CTNND2: variants seen among roughly 807,000 people sequenced by gnomAD.
CTNND2 encodes the protein catenin delta-2.
Under a neutral mutation model 144.4 loss-of-function variants are expected in CTNND2, and 22 were observed. The ratio of observed to expected loss-of-function variants is 0.15; its 90% CI spans 0.11 to 0.22. The LOEUF is 0.22. Among genes scored for constraint, CTNND2 ranks in the 10% least tolerant of loss-of-function variants. The pLI is 1.00. For synonymous variants in CTNND2, 751 were observed against 695.6 expected (o/e 1.08, Z -1.25); for missense variants, 1,353 against 1,618.8 (o/e 0.84, Z 2.82).
chr5:11,635,027 A>G (rs551625969), intron 2 of CTNND2, among the ~76,000 whole-genome samples: 1 of 151,992 alleles, frequency 6.6e-6, no homozygotes, highest in Non-Finnish European at 1.5e-5. Flanking sequence ...ATTATACAGC[A>G]CTCTTTTAGG....
At chr5:11,190,167 G>C (rs1482916154) in intron 11 of CTNND2, among the ~76,000 whole-genome samples, 1 of 152,354 alleles carries the variant, frequency 6.6e-6, no homozygotes, top group South Asian at 2.1e-4. Context: ...TAACAGCAAT[G>C]TACTGGGAAG....
intron 1 of CTNND2, among the ~76,000 whole-genome samples, chr5:11,733,273 AC>A (rs1447917637): frequency 2.6e-5 from 4 of 152,000 alleles, no homozygotes; most frequent in African/African-American, 9.7e-5. Flanking sequence ...TGGGGACTGA[AC>A]CCTCAACATG....
At chr5:11,539,246 A>G (rs1774498048) in intron 3 of CTNND2, among the ~76,000 whole-genome samples, 1 of 152,126 alleles carries the variant, frequency 6.6e-6, no homozygotes, top group Non-Finnish European at 1.5e-5. Flanking sequence ...ACTTGGACTG[A>G]TGATAGAATA....
At chr5:11,128,955 A>ATATATAATATAT (rs1561350915) in intron 12 of CTNND2, among the ~76,000 whole-genome samples, 26 of 48,986 alleles carry the variant, frequency 5.3e-4, no homozygotes, top group African/African-American at 1.7e-3. Flanking sequence ...TATAATATAT[A>ATATATAATATAT]AATATATATA....
intron 3 of CTNND2, among the ~76,000 whole-genome samples, chr5:11,444,655 T>C (rs757480190): frequency 7.9e-5 from 12 of 152,136 alleles, no homozygotes; most frequent in Non-Finnish European, 1.6e-4. Flanking sequence ...TGAGCTGAGA[T>C]TGTGCCACTG....
intron 1 of CTNND2, among the ~76,000 whole-genome samples, chr5:11,853,069 A>G (rs1795090661): frequency 6.6e-6 from 1 of 152,074 alleles, no homozygotes; most frequent in Non-Finnish European, 1.5e-5. Context: ...AAACACATAA[A>G]TCTCTGGGAA....
intron 3 of CTNND2, among the ~76,000 whole-genome samples, chr5:11,445,955 C>A (rs1392573391): frequency 6.6e-6 from 1 of 151,998 alleles, no homozygotes; most frequent in Non-Finnish European, 1.5e-5. Flanking sequence ...AAGGGGTAAA[C>A]CTAGATACAA....
intron 2 of CTNND2, among the ~76,000 whole-genome samples, chr5:11,657,087 T>C (rs1782955549): frequency 6.6e-6 from 1 of 152,052 alleles, no homozygotes; most frequent in Non-Finnish European, 1.5e-5. Flanking sequence ...AAGGCAATCG[T>C]GAAACACTTC....
chr5:11,117,359 C>G (rs1753657454), intron 13 of CTNND2, 91 bp downstream of exon 13: 11 of 937,864 alleles, frequency 1.2e-5, no homozygotes, highest in Admixed American at 1.8e-5. Flanking sequence ...GTCTGAAATA[C>G]TGCATTGGCT....
chr5:11,340,677 T>A (rs1754167425), intron 9 of CTNND2, among the ~76,000 whole-genome samples: 1 of 152,218 alleles, frequency 6.6e-6, no homozygotes, highest in Non-Finnish European at 1.5e-5. Context: ...GATCAGTGAT[T>A]CATAGTTTTG....
chr5:11,815,485 TTTATGATTTATGA>T (rs570032351), intron 1 of CTNND2, among the ~76,000 whole-genome samples: 58 of 152,170 alleles, frequency 3.8e-4, no homozygotes, highest in Non-Finnish European at 7.5e-4. Context: ...CAAACTGTGT[TTTATGATTTATGA>T]TTATGATCAG....
At chr5:11,421,582 G>C (rs990482359) in intron 3 of CTNND2, among the ~76,000 whole-genome samples, 1 of 152,092 alleles carries the variant, frequency 6.6e-6, no homozygotes, top group Non-Finnish European at 1.5e-5. Flanking sequence ...GGTCCACTGG[G>C]GGAGGGCCAA....
chr5:11,477,913 G>A (rs947967815), intron 3 of CTNND2, among the ~76,000 whole-genome samples: 1 of 152,124 alleles, frequency 6.6e-6, no homozygotes, highest in Admixed American at 6.6e-5. Flanking sequence ...TGATTTTTAG[G>A]GATTTAAGAT....
In CTNND2 at chr5:11,156,164, T is replaced by C. The variant is rs540947975; in HGVS notation, c.2159+3412A>G. ...TGTCTAAAGACAGAATAGTGTCACA[T>C]TGTCAGGTTCTGGCTAAGCCTTAGG... is the stretch of plus-strand genomic sequence containing the variant. On this transcript the variant is annotated intron_variant, in intron 12 of 21. Transcript: ENST00000304623. Among the ~76,000 whole-genome samples, 3 of 152,360 alleles carry C rather than the reference T, an allele frequency of 2.0e-5. No homozygotes were observed. In the South Asian group the frequency reaches 6.2e-4, roughly 32 times the overall value.
At chr5:11,612,641 T>G (rs1312437131) in intron 2 of CTNND2, among the ~76,000 whole-genome samples, 2 of 152,214 alleles carry the variant, frequency 1.3e-5, no homozygotes, top group Non-Finnish European at 1.5e-5. Flanking sequence ...GGCTCATGCC[T>G]ATAATTCCAG....
intron 16 of CTNND2, among the ~76,000 whole-genome samples, chr5:11,074,903 T>G (rs1748759158): frequency 6.6e-6 from 1 of 152,196 alleles, no homozygotes. Context: ...TTTAAAACAT[T>G]GTGGTAAGTA....
At chr5:11,138,501 G>A (rs1756379929) in intron 12 of CTNND2, among the ~76,000 whole-genome samples, 1 of 152,188 alleles carries the variant, frequency 6.6e-6, no homozygotes, top group Non-Finnish European at 1.5e-5. Context: ...TCCTGACACA[G>A]CAGGAAGGAC....
At chr5:11,727,637 T>C (rs1787098171) in intron 2 of CTNND2, among the ~76,000 whole-genome samples, 1 of 152,350 alleles carries the variant, frequency 6.6e-6, no homozygotes, top group East Asian at 1.9e-4. Flanking sequence ...CACTATGCTA[T>C]GGATAATTCT....
At chr5:11,671,302 C>T (rs1233356517) in intron 2 of CTNND2, among the ~76,000 whole-genome samples, 1 of 152,056 alleles carries the variant, frequency 6.6e-6, no homozygotes, top group Admixed American at 6.5e-5. Context: ...CTCTGTATTT[C>T]CTGAATTTGA....
Sources: gnomAD v4.1 joint callset for allele counts (sites outside exome capture counted in the v4.1 genomes callset) on GRCh38, gnomAD v4.1.1 for gene constraint, MANE v1.5 for transcripts, NCBI Gene and HGNC (gene_info 2026-07-23, HGNC 2026-07-21) for gene names.